The following AHNAK variants were observed in gnomAD, a reference collection of about 807,000 sequenced individuals.
AHNAK encodes AHNAK nucleoprotein.
AHNAK carries 23 observed loss-of-function variants against 37.8 expected under a neutral mutation model. The ratio of observed to expected loss-of-function variants is 0.61; its 90% CI spans 0.44 to 0.86. AHNAK has a LOEUF of 0.86. Among genes scored for constraint, AHNAK ranks in the 40% least tolerant of loss-of-function variants. AHNAK has a pLI of 0.00. For missense variants in AHNAK, 7,411 were observed against 7,319.4 expected (o/e 1.01, Z -0.46); for synonymous variants, 2,481 against 2,636.3 (o/e 0.94, Z 1.80).
chr11:62,477,761 C>T (rs977619670), intron 5 of AHNAK, among the ~76,000 whole-genome samples: 24 of 151,314 alleles, frequency 1.6e-4, no homozygotes, highest in Non-Finnish European at 3.2e-4. Flanking sequence ...GAGACCGCGC[C>T]ACTGCACTCC....
In AHNAK at chr11:62,525,715, T is replaced by C; in HGVS notation, c.8702A>G (p.Lys2901Arg). 3.1e-6 allele frequency: 5 copies of C among 1,613,362 alleles called. No homozygotes were observed. Among genetic ancestry groups the C allele is most frequent in the Non-Finnish European group, 4.2e-6 (5 of 1,179,894 alleles). Residue 2901 changes from lysine to arginine, a missense_variant, in exon 5 of 5, where the codon AAG (lysine) becomes AGG (arginine). Lys to Arg is a conservative substitution (Grantham distance 26). Coordinates refer to ENST00000378024, the MANE Select transcript of AHNAK (RefSeq NM_001620.3). Reference protein sequence around the residue: ...HLKMPKMKMPKFSMPGFKAEG... With the variant: ...HLKMPKMKMPRFSMPGFKAEG... ...TGCTTTGAAGCCAGGCATGCTGAAC[T>C]TGGGCATTTTCATCTTGGGCATCTT... is the stretch of plus-strand genomic sequence containing the variant.
chr11:62,544,995 G>C (rs1941260975), intron 1 of AHNAK, among the ~76,000 whole-genome samples: 1 of 152,186 alleles, frequency 6.6e-6, no homozygotes. Context: ...ATGAAGACGG[G>C]TTCGAAACCA....
chr11:62,522,831 C>T lies in AHNAK; in HGVS notation c.11586G>A (p.Lys3862=), dbSNP rs145006264. Residue 3862 remains lysine, a synonymous_variant, in exon 5 of 5, where the codon AAG becomes AAA. Coordinates refer to ENST00000378024, the MANE Select transcript of AHNAK (RefSeq NM_001620.3). The part of the protein sequence containing the change: ...PEGKLKGPKF[K]MPEMNIKAPK... ...GGGCTTTGATGTTCATCTCAGGCAT[C>T]TTGAATTTGGGACCTTTCAACTTTC... The T allele has an allele frequency of 1.5e-4, 246 of 1,613,016 alleles. No individual in the cohort carries two copies. The African/African-American group carries it at 2.8e-3, about 18-fold the overall frequency.
chr11:62,534,260 G>A (rs568423346), intron 4 of AHNAK, among the ~76,000 whole-genome samples, 186 bp from the exon 5 acceptor site: 3 of 152,332 alleles, frequency 2.0e-5, no homozygotes, highest in African/African-American at 2.4e-5. Context: ...CCACATCACA[G>A]GAGGAAATCA....
chr11:62,457,788 G>A lies in AHNAK; in HGVS notation c.443-23897C>T, dbSNP rs370898004. ...GATACTGTCACCACCAGAGAGAGGA[G>A]GGAGGAATGGGGACATGGGCCGAAA... On this transcript the variant is annotated intron_variant, in intron 5 of 5. Coordinates refer to the AHNAK transcript ENST00000257247. 1.6e-4 allele frequency among the ~76,000 whole-genome samples: 25 copies of A among 152,326 alleles called. No individual in the cohort carries two copies. The East Asian group carries it at 4.4e-3, about 27-fold the overall frequency.
Position 62,527,843 on chromosome 11 carries a change from T to G in AHNAK, c.6574A>C (p.Asn2192His), listed in dbSNP as rs1787043. Residue 2192 changes from asparagine to histidine, a missense_variant, in exon 5 of 5, where the codon AAC (asparagine) becomes CAC (histidine). Physicochemically the swap from Asn to His is moderately conservative, Grantham distance 68 (BLOSUM62 1). Coordinates refer to ENST00000378024, the MANE Select transcript of AHNAK (RefSeq NM_001620.3). ...PKISMPDVNL[N>H]LKGPKVKGDM... ...CCTTTGACTTTGGGGCCTTTCAAGT[T>G]TAAGTTCACATCAGGCATGGAGATC... 3.6e-4 allele frequency: 584 copies of G among 1,608,818 alleles called. No individual in the cohort carries two copies. The highest frequency in any genetic ancestry group is 1.8e-3 in the African/African-American group (135 of 73,170).
chr11:62,511,517 A>C (rs1457841772), downstream of AHNAK, among the ~76,000 whole-genome samples: 1 of 151,996 alleles, frequency 6.6e-6, no homozygotes, highest in Admixed American at 6.5e-5. Context: ...CGACCTCCCA[A>C]AGTGCTGGGA....
chr11:62,457,131 T>C (rs1301020128), intron 5 of AHNAK, among the ~76,000 whole-genome samples: 1 of 152,100 alleles, frequency 6.6e-6, no homozygotes, highest in Non-Finnish European at 1.5e-5. Context: ...CGAAATCTTC[T>C]ACTAAATATA....
intron 1 of AHNAK, among the ~76,000 whole-genome samples, chr11:62,541,159 C>G (rs957120460): frequency 1.3e-5 from 2 of 152,206 alleles, no homozygotes; most frequent in South Asian, 4.1e-4. Context: ...ACACACTCCC[C>G]CAGAGACAGG....
At position 62,536,059 on chromosome 11, in the gene AHNAK, T is replaced by G; in HGVS notation, c.40A>C (p.Asn14His). The change falls in exon 3 of 5, where the codon AAC (asparagine) becomes CAC (histidine). Residue 14 changes from asparagine (N) to histidine (H), a missense_variant. Transcript: ENST00000378024. ...EETTRELLLP[N>H]WQGSGSHGLT... is the part of the protein sequence containing the mutation. ...CCGTGGGAGCCACTACCCTGCCAGTTGGGCAGCAGCAGCTCCCGGGTTGTC... is the reference window on the plus strand; with the variant it reads ...CCGTGGGAGCCACTACCCTGCCAGTGGGGCAGCAGCAGCTCCCGGGTTGTC... The G allele has an allele frequency of 6.2e-7, 1 of 1,606,554 alleles. No homozygotes were observed. The highest frequency in any genetic ancestry group is 8.5e-7 in the Non-Finnish European group (1 of 1,175,910).
intron 5 of AHNAK, among the ~76,000 whole-genome samples, chr11:62,449,025 G>A (rs903193339): frequency 6.6e-6 from 1 of 152,070 alleles, no homozygotes; most frequent in Non-Finnish European, 1.5e-5. Flanking sequence ...CCGAGACTGC[G>A]CCACTGCACT....
At chr11:62,505,076 G>A (rs2134177176) in intron 4 of AHNAK, among the ~76,000 whole-genome samples, 1 of 152,296 alleles carries the variant, frequency 6.6e-6, no homozygotes, top group South Asian at 2.1e-4. Flanking sequence ...AGGGGAAAGC[G>A]CGCAATGAAA....
chr11:62,516,268 C>T lies in AHNAK; in HGVS notation c.*476G>A, dbSNP rs1300120975. 14 of 1,289,156 alleles carry T rather than the reference C, an allele frequency of 1.1e-5. No homozygotes were observed. The highest frequency in any genetic ancestry group is 1.2e-5 in the Non-Finnish European group (12 of 988,758). 79.9% of individuals were successfully genotyped at this position (1,289,156 alleles called of 1,614,324 possible). A position where few individuals can be genotyped will look rare whatever the true frequency, so the allele number is the denominator to read the frequency against. ...CCTCTGGGCCATCTGTGGGCGTTTG[C>T]TGTTTGAACAGATCCAGTCTCAGGA... On this transcript the variant is annotated 3_prime_UTR_variant, in exon 5 of 5. Coordinates refer to ENST00000378024, the MANE Select transcript of AHNAK (RefSeq NM_001620.3).
chr11:62,527,718 A>G lies in AHNAK; in HGVS notation c.6699T>C (p.Asp2233=). 6.2e-7 allele frequency: 1 copy of G among 1,614,050 alleles called. No individual in the cohort carries two copies. The highest frequency in any genetic ancestry group is 1.3e-5 in the African/African-American group (1 of 74,996). The change falls in exon 5 of 5, where the codon GAT becomes GAC. Residue 2233 remains aspartate, a synonymous_variant. Transcript: ENST00000378024. ...TCAGGTGCCAGTCTGGGCCATGAAC[A>G]TCCACATCTGGGGCATCAATGTCCA... The part of the protein sequence containing the change: ...PKVDIDAPDV[D]VHGPDWHLKM...
intron 2 of AHNAK, 142 bp downstream of exon 2, chr11:62,536,322 TGGAAA>T (rs1383099461): frequency 2.1e-6 from 1 of 467,770 alleles, no homozygotes; most frequent in Non-Finnish European, 3.7e-6. Flanking sequence ...GCAAAGAAGA[TGGAAA>T]GGAGACAGCA....
intron 5 of AHNAK, among the ~76,000 whole-genome samples, chr11:62,439,295 G>A (rs1004602982): frequency 6.5e-4 from 98 of 151,636 alleles, no homozygotes; most frequent in African/African-American, 2.3e-3. Context: ...ACGGGGTTTC[G>A]CTGTTTTAGT....
intron 5 of AHNAK, among the ~76,000 whole-genome samples, chr11:62,454,257 C>T (rs1427625175): frequency 6.8e-6 from 1 of 147,410 alleles, no homozygotes; most frequent in Non-Finnish European, 1.5e-5. Context: ...ACTGAAAATA[C>T]AAAAAATTAG....
In AHNAK at chr11:62,522,515, C is replaced by T. The variant is rs144211841; in HGVS notation, c.11902G>A (p.Val3968Met). 6.2e-6 allele frequency: 10 copies of T among 1,613,848 alleles called. No homozygotes were observed. In the Admixed American group the frequency reaches 6.7e-5, roughly 11 times the overall value. ...TTCACATCTGGAACATCAACGTCCA[C>T]CTTGGGTCCTGAGACGTCAAGGTCA... Reference protein sequence around the residue: ...KADLDVSGPKVDVDVPDVNIE... With the variant: ...KADLDVSGPKMDVDVPDVNIE... The change falls in exon 5 of 5, where the codon GTG (valine) becomes ATG (methionine). Residue 3968 changes from valine to methionine, a missense_variant. Physicochemically the swap from Val to Met is conservative, Grantham distance 21. Coordinates refer to ENST00000378024, the MANE Select transcript of AHNAK (RefSeq NM_001620.3).
chr11:62,483,485 G>A (rs944556217), intron 5 of AHNAK, among the ~76,000 whole-genome samples: 4 of 152,118 alleles, frequency 2.6e-5, no homozygotes, highest in African/African-American at 9.6e-5. Flanking sequence ...CCAGCACTCT[G>A]GGAGGCCGAG....
Sources: allele counts gnomAD v4.1 joint callset (sites outside exome capture counted in the v4.1 genomes callset), GRCh38; gene constraint gnomAD v4.1.1; transcripts MANE v1.5; gene names NCBI Gene and HGNC (gene_info 2026-07-23, HGNC 2026-07-21).